The following RERE variants were observed in gnomAD, a reference collection of about 807,000 sequenced individuals.
RERE encodes arginine-glutamic acid dipeptide repeats.
RERE carries 40 observed loss-of-function variants against 146.1 expected under a neutral mutation model. The ratio of observed to expected loss-of-function variants is 0.27; its 90% CI spans 0.21 to 0.36. The LOEUF (loss-of-function observed/expected upper bound fraction) is 0.36, where lower values mean the gene tolerates loss of function less well. Ranked by LOEUF, RERE falls within the 10% of genes least tolerant of loss-of-function variation. RERE has a pLI of 1.00. For missense variants in RERE, 1,933 were observed against 2,138.7 expected, an observed-to-expected ratio of 0.90 and a Z score of 1.90; for synonymous variants, 1,003 against 866.0, an observed-to-expected ratio of 1.16 and a Z score of -2.78.
rs200719277 is a variant in RERE at position 8,360,005 on chromosome 1, C to A, written c.3396-19G>T. The A allele has an allele frequency of 6.4e-4, 1,035 of 1,610,802 alleles. 2 individuals carry two copies. The highest frequency in any genetic ancestry group is 8.0e-4 in the Non-Finnish European group (940 of 1,178,674). On this transcript the variant is annotated intron_variant, in intron 18 of 22. Coordinates refer to ENST00000400908, the MANE Select transcript of RERE (RefSeq NM_001042681.2). ...GTAGAACCTGAGAAAAGCCACAGAT[C>A]TTGCTGGGAGCTCCTGCCGAGACCC... is the stretch of plus-strand genomic sequence containing the variant.
intron 4 of RERE, among the ~76,000 whole-genome samples, chr1:8,601,736 A>AACACAC (rs3082091): frequency 0.041 from 5,815 of 140,758 alleles, 132 homozygotes; most frequent in Admixed American, 0.073. Context: ...GTCCAAGGTC[A>AACACAC]ACACACACAC....
At chr1:8,526,307 T>C (rs944232496) in intron 7 of RERE, among the ~76,000 whole-genome samples, 6 of 151,852 alleles carry the variant, frequency 4.0e-5, no homozygotes, top group Admixed American at 3.3e-4. Flanking sequence ...TTTTTTTTTT[T>C]TTTAAGGTAA....
intron 11 of RERE, among the ~76,000 whole-genome samples, chr1:8,435,779 C>A (rs944229731): frequency 2.0e-5 from 3 of 152,228 alleles, no homozygotes; most frequent in Admixed American, 2.0e-4. Context: ...ATTGAGCTAT[C>A]CTATATATAC....
chr1:8,476,660 T>C (rs1378236483), intron 10 of RERE, among the ~76,000 whole-genome samples: 1 of 152,190 alleles, frequency 6.6e-6, no homozygotes, highest in Non-Finnish European at 1.5e-5. Context: ...ACCAGTATAA[T>C]ATGATTAACT....
intron 4 of RERE, among the ~76,000 whole-genome samples, chr1:8,564,824 A>ATGTGTGTGTGTGTGTGTGTGTGTG: frequency 2.0e-5 from 1 of 48,862 alleles, no homozygotes; most frequent in East Asian, 1.1e-3. Flanking sequence ...ATGTGTGTGT[A>ATGTGTGTGTGTGTGTGTGTGTGTG]TATGTGTATG....
At chr1:8,381,560 C>T (rs901847374) in intron 12 of RERE, among the ~76,000 whole-genome samples, 2 of 152,108 alleles carry the variant, frequency 1.3e-5, no homozygotes, top group East Asian at 1.9e-4. Context: ...AAATTAGTTA[C>T]GAGAATCAAA....
intron 2 of RERE, among the ~76,000 whole-genome samples, chr1:8,654,852 G>A (rs1395230498): frequency 6.6e-6 from 1 of 152,066 alleles, no homozygotes; most frequent in Non-Finnish European, 1.5e-5. Context: ...GCCCAGGCTG[G>A]TCTTGAACTC....
At chr1:8,678,411 C>G (rs1011529238) in intron 1 of RERE, among the ~76,000 whole-genome samples, 19 of 151,408 alleles carry the variant, frequency 1.3e-4, no homozygotes, top group African/African-American at 4.1e-4. Flanking sequence ...TTTGGGAGGC[C>G]AAGGCGGGCA....
intron 10 of RERE, among the ~76,000 whole-genome samples, chr1:8,478,837 G>A (rs527632280): frequency 1.1e-4 from 16 of 152,316 alleles, no homozygotes; most frequent in African/African-American, 3.6e-4. Context: ...TAGGACTGGT[G>A]CAGGCTGGAC....
chr1:8,724,160 C>T (rs920124792), intron 1 of RERE, among the ~76,000 whole-genome samples: 1 of 152,116 alleles, frequency 6.6e-6, no homozygotes, highest in African/African-American at 2.4e-5. Flanking sequence ...TTAAGAAATA[C>T]ATTTATTTTA....
chr1:8,601,768 C>CACACACACAA (rs1176032621), intron 4 of RERE, among the ~76,000 whole-genome samples: 2 of 126,232 alleles, frequency 1.6e-5, no homozygotes, highest in Middle Eastern at 3.8e-3. Context: ...CACACACACA[C>CACACACACAA]ACACACACAA....
At chr1:8,606,608 G>A (rs1646712536) in intron 4 of RERE, among the ~76,000 whole-genome samples, 1 of 152,136 alleles carries the variant, frequency 6.6e-6, no homozygotes, top group Non-Finnish European at 1.5e-5. Flanking sequence ...ATGGGATGAG[G>A]AGGGAAAAGC....
intron 10 of RERE, among the ~76,000 whole-genome samples, chr1:8,473,383 G>A (rs1020787399): frequency 6.6e-6 from 1 of 152,196 alleles, no homozygotes; most frequent in African/African-American, 2.4e-5. Context: ...TAGCAATGGG[G>A]AGGGATACAG....
Position 8,360,099 on chromosome 1 carries a change from C to G in RERE, c.3395+13G>C. On this transcript the variant is annotated intron_variant, in intron 18 of 22. Transcript: ENST00000400908. Reference sequence around the variant, plus strand: ...CCTGTGCCTGACCCGTCCTGGAGCCCTAGGAAGCGTACCTAGCTGACTGGC... The same window carrying G: ...CCTGTGCCTGACCCGTCCTGGAGCCGTAGGAAGCGTACCTAGCTGACTGGC... 3.2e-6 allele frequency: 5 copies of G among 1,578,390 alleles called. No homozygotes were observed. Among genetic ancestry groups the G allele is most frequent in the Non-Finnish European group, 4.3e-6 (5 of 1,160,612 alleles).
intron 1 of RERE, among the ~76,000 whole-genome samples, chr1:8,712,593 G>A (rs188737264): frequency 1.3e-5 from 2 of 152,164 alleles, no homozygotes. Context: ...CCTTTAATGT[G>A]AGATTTTCCT....
chr1:8,423,554 C>A lies in RERE; in HGVS notation c.1204-747G>T, dbSNP rs1174124592. ...GGTGGGGGCAGCTCCTGGCTCCGAG[C>A]CCCCACCTCGGGGCTCCCAGCCTGG... On this transcript the variant is annotated intron_variant, in intron 11 of 22. Transcript: ENST00000400908. The surrounding 1 kb of genome is among the most constrained non-coding windows in gnomAD (Gnocchi z 5.4). The A allele has an allele frequency of 1.0e-6, 1 of 985,176 alleles. No homozygotes were observed. The highest frequency in any genetic ancestry group is 1.2e-6 in the Non-Finnish European group (1 of 829,790). 61.0% of individuals were successfully genotyped at this position (985,176 alleles called of 1,614,324 possible).
At chr1:8,600,518 T>G (rs113391298) in intron 4 of RERE, among the ~76,000 whole-genome samples, 106 of 152,268 alleles carry the variant, frequency 7.0e-4, no homozygotes, top group African/African-American at 2.5e-3. Flanking sequence ...ATATTTGTAA[T>G]ATATCCAAGA....
At chr1:8,585,619 G>A (rs1646418726) in intron 4 of RERE, among the ~76,000 whole-genome samples, 1 of 152,196 alleles carries the variant, frequency 6.6e-6, no homozygotes, top group Admixed American at 6.5e-5. Flanking sequence ...GAAGGACTCA[G>A]GAGCCAATAA....
intron 12 of RERE, among the ~76,000 whole-genome samples, chr1:8,410,296 T>C (rs1021653412): frequency 6.6e-6 from 1 of 152,124 alleles, no homozygotes; most frequent in African/African-American, 2.4e-5. Context: ...GGCCGAATGA[T>C]AAAGGTCCAC....
Sources: allele counts gnomAD v4.1 joint callset (sites outside exome capture counted in the v4.1 genomes callset), GRCh38; gene constraint gnomAD v4.1.1; non-coding constraint Gnocchi (gnomAD v3.1); transcripts MANE v1.5; gene names NCBI Gene and HGNC (gene_info 2026-07-23, HGNC 2026-07-21).